The following ADAMTS3 variants were observed in gnomAD, a reference collection of about 807,000 sequenced individuals.
ADAMTS3 encodes the protein A disintegrin and metalloproteinase with thrombospondin motifs 3.
Under a neutral mutation model 129.0 loss-of-function variants are expected in ADAMTS3, and 73 were observed. That is an observed-to-expected ratio of 0.57 (90% CI 0.47 to 0.69). ADAMTS3 has a LOEUF of 0.69. ADAMTS3 is among the 30% of genes least tolerant of loss of function. The probability of loss-of-function intolerance (pLI) is 0.00; values close to 1 mark genes in which losing one functional copy is unlikely to be tolerated. For synonymous variants in ADAMTS3, 477 were observed against 510.8 expected, an observed-to-expected ratio of 0.93 and a Z score of 0.89; for missense variants, 1,457 against 1,514.5, an observed-to-expected ratio of 0.96 and a Z score of 0.63.
intron 3 of ADAMTS3, among the ~76,000 whole-genome samples, chr4:72,456,364 TACA>T (rs1718617689): frequency 3.8e-4 from 1 of 2,652 alleles, no homozygotes; most frequent in East Asian, 8.5e-3. Flanking sequence ...GTATATAGTA[TACA>T]ATATATAGTA....
intron 3 of ADAMTS3, among the ~76,000 whole-genome samples, chr4:72,523,321 A>G (rs188675097): frequency 2.6e-5 from 4 of 152,208 alleles, no homozygotes; most frequent in Non-Finnish European, 5.9e-5. Context: ...CATAATTTCT[A>G]AAGTTCCTTC....
At chr4:72,464,702 T>C (rs16847998) in intron 3 of ADAMTS3, among the ~76,000 whole-genome samples, 5,485 of 152,054 alleles carry the variant, frequency 0.036, 119 homozygotes, top group Non-Finnish European at 0.048. Flanking sequence ...AAAAACTACA[T>C]CCTGAAAGTT....
At chr4:72,502,801 T>C (rs951658575) in intron 3 of ADAMTS3, among the ~76,000 whole-genome samples, 45 of 152,172 alleles carry the variant, frequency 3.0e-4, no homozygotes, top group African/African-American at 1.0e-3. Context: ...ACACTTGCCA[T>C]TGAGGTTTGC....
intron 3 of ADAMTS3, among the ~76,000 whole-genome samples, chr4:72,418,231 A>C (rs186822853): frequency 6.6e-6 from 1 of 152,194 alleles, no homozygotes; most frequent in Non-Finnish European, 1.5e-5. Flanking sequence ...TTCAACTGAA[A>C]TGTTCCTAGT....
chr4:72,316,820 A>C (rs775820048), intron 10 of ADAMTS3, among the ~76,000 whole-genome samples: 1 of 152,160 alleles, frequency 6.6e-6, no homozygotes, highest in Non-Finnish European at 1.5e-5. Context: ...ATACATTCAT[A>C]TAGTTTATGA....
intron 4 of ADAMTS3, among the ~76,000 whole-genome samples, chr4:72,377,369 T>C (rs763916556): frequency 2.6e-5 from 4 of 152,138 alleles, no homozygotes; most frequent in Non-Finnish European, 5.9e-5. Context: ...TAAATGAATA[T>C]AAGATGTTCC....
intron 3 of ADAMTS3, among the ~76,000 whole-genome samples, chr4:72,510,075 A>T (rs1181687156): frequency 5.1e-5 from 1 of 19,706 alleles, no homozygotes; most frequent in Non-Finnish European, 1.1e-4. Flanking sequence ...CCTTCATGAT[A>T]AAAAAAAAAA....
intron 7 of ADAMTS3, 100 bp from the exon 8 acceptor site, chr4:72,320,063 C>T: frequency 1.2e-6 from 1 of 865,590 alleles, no homozygotes; most frequent in Non-Finnish European, 1.9e-6. Flanking sequence ...AAAAGCCTTT[C>T]AGGAAACAGG....
At chr4:72,322,722 C>T (rs538718523) in intron 6 of ADAMTS3, among the ~76,000 whole-genome samples, 1 of 152,244 alleles carries the variant, frequency 6.6e-6, no homozygotes. Flanking sequence ...TCTCTCTCCT[C>T]ATAATAGTAT....
At chr4:72,387,310 T>A (rs994066450) in intron 4 of ADAMTS3, among the ~76,000 whole-genome samples, 1 of 152,194 alleles carries the variant, frequency 6.6e-6, no homozygotes, top group Non-Finnish European at 1.5e-5. Flanking sequence ...TCCACAGAGA[T>A]TTGGTCTCTC....
chr4:72,509,764 G>A (rs758226129), intron 3 of ADAMTS3, among the ~76,000 whole-genome samples: 15 of 150,962 alleles, frequency 9.9e-5, no homozygotes, highest in South Asian at 4.2e-4. Context: ...CTCATACTAC[G>A]AGGCTGCTAT....
intron 3 of ADAMTS3, among the ~76,000 whole-genome samples, chr4:72,511,616 T>C (rs1560543778): frequency 6.6e-6 from 1 of 152,086 alleles, no homozygotes; most frequent in Non-Finnish European, 1.5e-5. Context: ...CAGTAACAAA[T>C]GCTAGTGAGG....
intron 3 of ADAMTS3, among the ~76,000 whole-genome samples, chr4:72,508,367 G>A (rs1720220331): frequency 6.6e-6 from 1 of 152,012 alleles, no homozygotes; most frequent in East Asian, 1.9e-4. Flanking sequence ...CTAAAAAATT[G>A]AGAGTTATTT....
intron 1 of ADAMTS3, among the ~76,000 whole-genome samples, chr4:72,568,396 T>A (rs544263642): frequency 6.6e-6 from 1 of 152,200 alleles, no homozygotes; most frequent in Non-Finnish European, 1.5e-5. Context: ...CCGGCGAGGA[T>A]GGGAACTGGC....
rs1721350566 is a variant in ADAMTS3, at chr4:72,542,230, T to C, written c.504+6248A>G. ...CCTAGGCTGGAGAGCAGTGGTGCAA[T>C]CTCAGCTCACTGCAAGCTCCATCTC... On this transcript the variant is annotated intron_variant, in intron 3 of 21. Transcript: ENST00000286657. Among the ~76,000 whole-genome samples, 4 of 152,176 alleles carry C rather than the reference T, an allele frequency of 2.6e-5. 1 individual carries two copies. In the South Asian group the frequency reaches 8.3e-4, roughly 32 times the overall value.
In ADAMTS3 at chr4:72,498,224, A is replaced by T. The variant is rs139049259; in HGVS notation, c.504+50254T>A. 1.1e-4 allele frequency among the ~76,000 whole-genome samples: 17 copies of T among 152,190 alleles called. No homozygotes were observed. In the East Asian group the frequency reaches 2.5e-3, roughly 22 times the overall value. On this transcript the variant is annotated intron_variant, in intron 3 of 21. Coordinates refer to ENST00000286657, the MANE Select transcript of ADAMTS3 (RefSeq NM_014243.3). ...AAAGTAAGCACTCTACGATTTCTGC[A>T]CCGCATTCTGGTCTAACAACTCCTT...
At chr4:72,340,854 C>T (rs1459105200) in intron 4 of ADAMTS3, among the ~76,000 whole-genome samples, 1 of 151,948 alleles carries the variant, frequency 6.6e-6, no homozygotes, top group African/African-American at 2.4e-5. Flanking sequence ...ACATAAAAAC[C>T]AAAAATATTT....
intron 7 of ADAMTS3, among the ~76,000 whole-genome samples, chr4:72,320,502 A>T (rs1719524386): frequency 6.6e-6 from 1 of 152,194 alleles, no homozygotes; most frequent in African/African-American, 2.4e-5. Flanking sequence ...CTATTTTAAA[A>T]GCAAGTATAA....
At chr4:72,467,548 C>T (rs1234452520) in intron 3 of ADAMTS3, among the ~76,000 whole-genome samples, 3 of 151,936 alleles carry the variant, frequency 2.0e-5, no homozygotes, top group African/African-American at 4.8e-5. Flanking sequence ...TTATTCCATA[C>T]TCTTACAATT....
Sources: allele counts gnomAD v4.1 joint callset (sites outside exome capture counted in the v4.1 genomes callset), GRCh38; gene constraint gnomAD v4.1.1; transcripts MANE v1.5; gene names NCBI Gene and HGNC (gene_info 2026-07-23, HGNC 2026-07-21).